MUC3A: variants seen among roughly 807,000 people sequenced by gnomAD.
MUC3A encodes the protein mucin 3A, cell surface associated, also known as mucin-3A.
MUC3A carries 109 observed loss-of-function variants against 109.0 expected under a neutral mutation model. That is an observed-to-expected ratio of 1.00 (90% CI 0.86 to 1.17). MUC3A has a LOEUF of 1.17. Ranked by LOEUF, MUC3A falls within the 50% of genes most tolerant of loss-of-function variation. The pLI, the probability that MUC3A is intolerant of heterozygous loss-of-function variation, is 0.00. For synonymous variants in MUC3A, 1,398 were observed against 981.4 expected (o/e 1.42, Z -7.93); for missense variants, 3,537 against 2,469.4 (o/e 1.43, Z -9.16).
chr7:100,958,842 AC>A lies in MUC3A; in HGVS notation c.7064del (p.Thr2355IlefsTer116). 1 of 1,151,926 alleles carries A rather than the reference AC, an allele frequency of 8.7e-7. No individual in the cohort carries two copies. Among genetic ancestry groups the A allele is most frequent in the Admixed American group, 5.4e-5 (1 of 18,620 alleles). The allele number at this position is 1,151,926 out of a possible 1,614,324, so 71.4% of individuals were successfully genotyped here. On this transcript the variant is annotated frameshift_variant, in exon 2 of 12. Coordinates refer to ENST00000379458, the MANE Select transcript of MUC3A (RefSeq NM_005960.2). LOFTEE classifies it high-confidence loss of function. ...CACCACCGAGACCAACTCTCACAGT[AC>A]TACCAGCTTCACTTCTTCGATCACC... is the stretch of plus-strand genomic sequence containing the variant. ...ITTTETNSHS[T>X]TSFTSSITTT...
Position 100,959,619 on chromosome 7 carries a change from C to G in MUC3A, c.7840C>G (p.Leu2614Val), listed in dbSNP as rs1293615255. ...TTCCTCCACGTCCACTCTTCATACT[C>G]TTACTCCATCAACAGCCTTGAGCAC... ...TDSSTSTLHTLTPSTALSTIV... is the reference protein window; with the variant it reads ...TDSSTSTLHTVTPSTALSTIV... Residue 2614 changes from leucine to valine, a missense_variant, in exon 2 of 12, where the codon CTT becomes GTT. Leu to Val is a conservative substitution (Grantham distance 32). Transcript: ENST00000379458. The G allele has an allele frequency of 5.0e-6, 8 of 1,598,302 alleles. No individual in the cohort carries two copies. The highest frequency in any genetic ancestry group is 5.9e-6 in the Non-Finnish European group (7 of 1,179,738).
rs766163675 is a variant in MUC3A at position 100,958,645 on chromosome 7, G to T, written c.6866G>T (p.Ser2289Ile). The T allele has an allele frequency of 7.1e-7, 1 of 1,416,650 alleles. No individual in the cohort carries two copies. The highest frequency in any genetic ancestry group is 9.3e-7 in the Non-Finnish European group (1 of 1,076,312). 87.8% of individuals were successfully genotyped at this position (1,416,650 alleles called of 1,614,324 possible). ...GAGACCCCCTCACACAGTACTCCCA[G>T]CTCCACTTCTTTAATCACCACCACC... ...TSETPSHSTPSSTSLITTTKT... is the reference protein window; with the variant it reads ...TSETPSHSTPISTSLITTTKT... The change falls in exon 2 of 12, where the codon AGC (serine) becomes ATC (isoleucine). Residue 2289 changes from serine to isoleucine, a missense_variant. By Grantham distance (142) the Ser-to-Ile change is moderately radical. Transcript: ENST00000379458.
chr7:100,967,220 T>C lies in MUC3A; in HGVS notation c.*58T>C, dbSNP rs1006883918. The C allele has an allele frequency of 2.1e-5, 33 of 1,594,878 alleles. No individual in the cohort carries two copies. Among genetic ancestry groups the C allele is most frequent in the South Asian group, 4.4e-5 (4 of 90,662 alleles). On this transcript the variant is annotated 3_prime_UTR_variant, in exon 12 of 12. Transcript: ENST00000379458. ...CCTGCCCCGGACACAAGGGTCTGCA[T>C]TGCGTCCATTTCAAGAGGTGGCCCC...
In MUC3A at chr7:100,958,900, G is replaced by T. The variant is rs1352678976; in HGVS notation, c.7121G>T (p.Ser2374Ile). The T allele has an allele frequency of 6.3e-7, 1 of 1,591,088 alleles. No homozygotes were observed. Residue 2374 changes from serine (S) to isoleucine (I), a missense_variant, in exon 2 of 12, where the codon AGC becomes ATC. Transcript: ENST00000379458. ...TTETTSHSTP[S>I]FSSSITTTET... Reference sequence around the variant, plus strand: ...GAGACCACCTCACACAGTACTCCCAGCTTCAGTTCTTCAATCACCACCACT... The same window carrying T: ...GAGACCACCTCACACAGTACTCCCATCTTCAGTTCTTCAATCACCACCACT...
At position 100,960,834 on chromosome 7, in the gene MUC3A, G is replaced by A. The variant is rs777762866; in HGVS notation, c.8949G>A (p.Gln2983=). Residue 2983 remains glutamine, a synonymous_variant, in exon 3 of 12, where the codon CAG becomes CAA. Coordinates refer to ENST00000379458, the MANE Select transcript of MUC3A (RefSeq NM_005960.2). ...TTTCTGGGGACCGCTGTCAGCTCCA[G>A]ACCAGATGCCAGAATGGGGGTCAGT... ...PGFSGDRCQL[Q]TRCQNGGQWD... 20 of 1,598,524 alleles carry A rather than the reference G, an allele frequency of 1.3e-5. No individual in the cohort carries two copies. In the South Asian group the frequency reaches 2.1e-4, roughly 17 times the overall value.
intron 5 of MUC3A, chr7:100,964,406 G>C (rs369650580): frequency 2.8e-5 from 12 of 432,582 alleles, no homozygotes; most frequent in East Asian, 1.5e-4. Flanking sequence ...GCTGCAGTGA[G>C]CTACAATGAT....
In MUC3A at chr7:100,964,695, G is replaced by T; in HGVS notation, c.9234G>T (p.Arg3078Ser). The T allele has an allele frequency of 6.3e-7, 1 of 1,598,062 alleles. No homozygotes were observed. Among genetic ancestry groups the T allele is most frequent in the Non-Finnish European group, 8.5e-7 (1 of 1,179,498 alleles). ...CTCTCTAAGGCTGTGGACCCCTCAG[G>T]AATGGCAGCATCGTGGTGGACTACC... ...TFKGVEILSL[R>S]NGSIVVDYLV... The change falls in exon 6 of 12, where the codon AGG becomes AGT. Residue 3078 changes from arginine to serine, a missense_variant and splice_region_variant. Coordinates refer to ENST00000379458, the MANE Select transcript of MUC3A (RefSeq NM_005960.2).
rs767602754 is a variant in MUC3A at position 100,958,791 on chromosome 7, A to C, written c.7012A>C (p.Thr2338Pro). The C allele has an allele frequency of 3.3e-6, 4 of 1,219,016 alleles. No homozygotes were observed. The East Asian group carries it at 9.6e-5, about 29-fold the overall frequency. 75.5% of individuals were successfully genotyped at this position (1,219,016 alleles called of 1,614,324 possible). Residue 2338 changes from threonine (T) to proline (P), a missense_variant, in exon 2 of 12, where the codon ACT becomes CCT. Transcript: ENST00000379458. ...CACCACCGAGACCACCTCACACAATACTCGCAGCTTCACTTCTTCGATCAC... is the reference window on the plus strand; with the variant it reads ...CACCACCGAGACCACCTCACACAATCCTCGCAGCTTCACTTCTTCGATCAC... The part of the protein sequence containing the change: ...ITTTETTSHN[T>P]RSFTSSITTT...
At position 100,958,101 on chromosome 7, in the gene MUC3A, C is replaced by A; in HGVS notation, c.6322C>A (p.Pro2108Thr). The change falls in exon 2 of 12, where the codon CCC (proline) becomes ACC (threonine). Residue 2108 changes from proline (P) to threonine (T), a missense_variant. Coordinates refer to ENST00000379458, the MANE Select transcript of MUC3A (RefSeq NM_005960.2). Reference protein sequence around the residue: ...TTTETTSHSTPSFTSSITTSE... With the variant: ...TTTETTSHSTTSFTSSITTSE... ...CACTGAGACCACCTCACACAGTACT[C>A]CCAGCTTCACTTCCTCAATCACCAC... 7.3e-7 allele frequency: 1 copy of A among 1,379,010 alleles called. No individual in the cohort carries two copies. Among genetic ancestry groups the A allele is most frequent in the Non-Finnish European group, 1.0e-6 (1 of 981,226 alleles). 85.4% of individuals were successfully genotyped at this position (1,379,010 alleles called of 1,614,324 possible).
chr7:100,966,237 G>GGGTGGAGACCCGTCCGCTTGGTCTAC, intron 8 of MUC3A, 149 bp from the exon 9 acceptor site: 8 of 663,558 alleles, frequency 1.2e-5, no homozygotes, highest in Non-Finnish European at 1.5e-5. Context: ...CCTCGTTCTA[G>GGGTGGAGACCCGTCCGCTTGGTCTAC]GGTGGATTCC....
At position 100,960,114 on chromosome 7, in the gene MUC3A, C is replaced by T. The variant is rs1186101061; in HGVS notation, c.8335C>T (p.Pro2779Ser). 1.3e-6 allele frequency: 2 copies of T among 1,538,232 alleles called. No individual in the cohort carries two copies. The highest frequency in any genetic ancestry group is 2.5e-5 in the South Asian group (2 of 79,638). Residue 2779 changes from proline to serine, a missense_variant, in exon 2 of 12, where the codon CCT becomes TCT. Coordinates refer to ENST00000379458, the MANE Select transcript of MUC3A (RefSeq NM_005960.2). Reference protein sequence around the residue: ...CPGTITITIVPASPTDPCVEM... With the variant: ...CPGTITITIVSASPTDPCVEM... Reference sequence around the variant, plus strand: ...AGGAACTATAACAATTACCATAGTCCCTGCCTCCCCCACTGATCCATGTGT... The same window carrying T: ...AGGAACTATAACAATTACCATAGTCTCTGCCTCCCCCACTGATCCATGTGT...
At chr7:100,967,094 TCCCGTC>T (rs1418924500) in intron 11 of MUC3A, 21 bp from the exon 12 acceptor site, 2 of 1,598,430 alleles carry the variant, frequency 1.3e-6, no homozygotes, top group Non-Finnish European at 1.7e-6. Context: ...GGCTCCGCGT[TCCCGTC>T]CCTCACTGTG....
In MUC3A at chr7:100,966,632, C is replaced by A. The variant is rs766205989; in HGVS notation, c.9786-20C>A. ...CCCAGGCGGGCCGGCTCTGTCTGAC[C>A]GCGCGGCGGCCCCACCTAGGTCCTG... is the stretch of plus-strand genomic sequence containing the variant. On this transcript the variant is annotated intron_variant, in intron 9 of 11. Transcript: ENST00000379458. 1 of 1,598,482 alleles carries A rather than the reference C, an allele frequency of 6.3e-7. No homozygotes were observed. The highest frequency in any genetic ancestry group is 1.7e-5 in the Admixed American group (1 of 60,016).
Position 100,960,478 on chromosome 7 carries a change from C to G in MUC3A, c.8699C>G (p.Pro2900Arg). 2.5e-6 allele frequency: 4 copies of G among 1,598,628 alleles called. No homozygotes were observed. Among genetic ancestry groups the G allele is most frequent in the Non-Finnish European group, 3.4e-6 (4 of 1,179,802 alleles). Residue 2900 changes from proline to arginine, a missense_variant, in exon 2 of 12, where the codon CCG (proline) becomes CGG (arginine). By Grantham distance (103) the Pro-to-Arg change is moderately radical. Transcript: ENST00000379458. ...ACCATGAAACCAAGCAGTAGCCTCC[C>G]GACCATCCTGAGGACTTCAAGCAAG... is the stretch of plus-strand genomic sequence containing the variant. ...PLTMKPSSSL[P>R]TILRTSSKST...
chr7:100,967,568 T>C lies in MUC3A; in HGVS notation c.*406T>C. On this transcript the variant is annotated 3_prime_UTR_variant, in exon 12 of 12. Transcript: ENST00000379458. ...CTCGGATCCTCCAATCCTCACGTCCTTCACCTGGTCTCTGGCCCTGGTTCT... is the reference window on the plus strand; with the variant it reads ...CTCGGATCCTCCAATCCTCACGTCCCTCACCTGGTCTCTGGCCCTGGTTCT... 1 of 417,596 alleles carries C rather than the reference T, an allele frequency of 2.4e-6. No individual in the cohort carries two copies. Among genetic ancestry groups the C allele is most frequent in the South Asian group, 4.0e-5 (1 of 24,692 alleles). 25.9% of individuals were successfully genotyped at this position (417,596 alleles called of 1,614,324 possible).
In MUC3A at chr7:100,958,845, A is replaced by G. The variant is rs78658540; in HGVS notation, c.7066A>G (p.Thr2356Ala). ...TTTETNSHST[T>A]SFTSSITTTE... ...CACCGAGACCAACTCTCACAGTACT[A>G]CCAGCTTCACTTCTTCGATCACCAC... The change falls in exon 2 of 12, where the codon ACC becomes GCC. Residue 2356 changes from threonine to alanine, a missense_variant. By Grantham distance (58) the Thr-to-Ala change is moderately conservative (BLOSUM62 0). Transcript: ENST00000379458. 7 of 755,184 alleles carry G rather than the reference A, an allele frequency of 9.3e-6. No individual in the cohort carries two copies. The highest frequency in any genetic ancestry group is 1.1e-5 in the Non-Finnish European group (7 of 621,152). The allele number at this position is 755,184 out of a possible 1,614,324, so 46.8% of individuals were successfully genotyped here. A position where few individuals can be genotyped will look rare whatever the true frequency, so the allele number is the denominator to read the frequency against.
chr7:100,962,460 C>G (rs1368426129), intron 3 of MUC3A, among the ~76,000 whole-genome samples: 1 of 152,312 alleles, frequency 6.6e-6, no homozygotes, highest in Non-Finnish European at 1.5e-5. Flanking sequence ...CTAATTCAAT[C>G]TGCACCCTTG....
chr7:100,963,934 G>A, intron 5 of MUC3A, 182 bp downstream of exon 5: 2 of 827,398 alleles, frequency 2.4e-6, no homozygotes, highest in Non-Finnish European at 3.8e-6. Context: ...TCTGGAGGAG[G>A]GGTGGCACCT....
At chr7:100,961,074 G>A in intron 3 of MUC3A, 137 bp downstream of exon 3, 2 of 1,527,388 alleles carry the variant, frequency 1.3e-6, no homozygotes, top group African/African-American at 1.4e-5. Flanking sequence ...TCTCTCCCAT[G>A]CCCTCCGCTG....
Sources: gnomAD v4.1 joint callset for allele counts (sites outside exome capture counted in the v4.1 genomes callset) on GRCh38, gnomAD v4.1.1 for gene constraint, MANE v1.5 for transcripts, NCBI Gene and HGNC (gene_info 2026-07-23, HGNC 2026-07-21) for gene names.